Variants in TDRD9 observed in about 807,000 individuals in gnomAD.
TDRD9 encodes the protein tudor domain containing 9, also known as ATP-dependent RNA helicase TDRD9.
A neutral mutation model predicts 172.6 loss-of-function variants in TDRD9; 124 were observed. The observed-to-expected ratio is 0.72, with a 90% CI of 0.62 to 0.83. The LOEUF (loss-of-function observed/expected upper bound fraction) is 0.83, where lower values mean the gene tolerates loss of function less well. Among genes scored for constraint, TDRD9 ranks in the 40% least tolerant of loss-of-function variants. TDRD9 has a pLI of 0.00. For synonymous variants in TDRD9, 619 were observed against 617.1 expected (o/e 1.00, Z -0.05); for missense variants, 1,479 against 1,714.1 (o/e 0.86, Z 2.42).
chr14:103,984,690 C>T lies in TDRD9; in HGVS notation c.1012-1527C>T, dbSNP rs1017559358. 1.1e-4 allele frequency among the ~76,000 whole-genome samples: 17 copies of T among 152,170 alleles called. 2 individuals are homozygous for T. The highest frequency in any genetic ancestry group is 7.9e-4 in the Admixed American group (12 of 15,274). On this transcript the variant is annotated intron_variant, in intron 7 of 35. Transcript: ENST00000409874. ...AGCAGAAGGAAATGTGGGGTTCAGG[C>T]CTCCACACAGACTCCAACTGGGGCA...
At chr14:103,975,592 C>G (rs762594826) in intron 7 of TDRD9, 39 bp downstream of exon 7, 10 of 1,543,858 alleles carry the variant, frequency 6.5e-6, no homozygotes, top group Non-Finnish European at 8.8e-7. Flanking sequence ...AGTGAGCGTA[C>G]TCTTGTATTG....
intron 1 of TDRD9, chr14:103,928,925 T>G (rs1278907062): frequency 4.4e-4 from 16 of 36,322 alleles, no homozygotes; most frequent in East Asian, 1.9e-3. Context: ...GAGCTAGAGG[T>G]TTTTTTTTTT....
At position 103,928,687 on chromosome 14, in the gene TDRD9, G is replaced by A. The variant is rs968474305; in HGVS notation, c.178G>A (p.Ala60Thr). Residue 60 changes from alanine (A) to threonine (T), a missense_variant, in exon 1 of 36, where the codon GCC becomes ACC. This residue lies in a region of TDRD9 where 1,413 missense variants were observed against 1,649.1 expected (regional missense o/e 0.86). Coordinates refer to ENST00000409874, the MANE Select transcript of TDRD9 (RefSeq NM_153046.3). ...AGPAAQAPAL[A>T]QAPARPAAAF... ...TCCCGCGGCCCAGGCTCCGGCTCTG[G>A]CCCAAGCTCCGGCCCGGCCGGCCGC... 9.1e-6 allele frequency: 11 copies of A among 1,213,726 alleles called. No homozygotes were observed. Among genetic ancestry groups the A allele is most frequent in the African/African-American group, 6.4e-5 (4 of 62,522 alleles). 75.2% of individuals were successfully genotyped at this position (1,213,726 alleles called of 1,614,324 possible).
At chr14:103,982,187 C>T (rs1191650021) in intron 7 of TDRD9, among the ~76,000 whole-genome samples, 4 of 152,178 alleles carry the variant, frequency 2.6e-5, no homozygotes, top group Admixed American at 6.5e-5. Context: ...ATTAGTGTCT[C>T]CTTCTCTGCT....
chr14:103,938,583 C>T (rs924764764), intron 1 of TDRD9, among the ~76,000 whole-genome samples: 4 of 150,926 alleles, frequency 2.7e-5, no homozygotes, highest in East Asian at 1.9e-4. Context: ...GGACTACAGG[C>T]GCCAGCTACC....
chr14:103,973,273 C>G (rs2033108870), intron 6 of TDRD9, among the ~76,000 whole-genome samples: 1 of 152,212 alleles, frequency 6.6e-6, no homozygotes, highest in Non-Finnish European at 1.5e-5. Context: ...TTTTAAAAAA[C>G]TCTCAAAAAA....
At chr14:103,999,150 T>C (rs1038540352) in intron 13 of TDRD9, among the ~76,000 whole-genome samples, 2 of 152,210 alleles carry the variant, frequency 1.3e-5, no homozygotes, top group Non-Finnish European at 2.9e-5. Flanking sequence ...ATATTTCCTT[T>C]CTTGGAACGA....
chr14:103,991,297 A>G, intron 9 of TDRD9, 73 bp downstream of exon 9: 2 of 1,455,164 alleles, frequency 1.4e-6, no homozygotes, highest in South Asian at 2.3e-5. Flanking sequence ...CCTAACACAG[A>G]TTATGAAAGA....
At position 103,975,398 on chromosome 14, in the gene TDRD9, A is replaced by T. The variant is rs770570537; in HGVS notation, c.856A>T (p.Met286Leu). The T allele has an allele frequency of 6.2e-7, 1 of 1,613,212 alleles. No individual in the cohort carries two copies. Among genetic ancestry groups the T allele is most frequent in the Non-Finnish European group, 8.5e-7 (1 of 1,179,404 alleles). ...TNSRFVKVVL[M>L]SATISCKEFA... is the part of the protein sequence containing the mutation. ...TTCTCTTACTCTGTAGGTGGTCCTG[A>T]TGTCGGCTACCATCAGCTGTAAAGA... Residue 286 changes from methionine to leucine, a missense_variant, in exon 7 of 36, where the codon ATG becomes TTG. Around this residue, in one of 3 missense-constraint regions of TDRD9, gnomAD observed 1,413 missense variants for 1,649.1 expected, o/e 0.86. Coordinates refer to ENST00000409874, the MANE Select transcript of TDRD9 (RefSeq NM_153046.3).
At chr14:104,050,705 G>A (rs532343442) in intron 35 of TDRD9, among the ~76,000 whole-genome samples, 9 of 152,292 alleles carry the variant, frequency 5.9e-5, no homozygotes, top group African/African-American at 1.7e-4. Flanking sequence ...CCTGGCAGCC[G>A]GCCCCATTGT....
At position 104,051,239 on chromosome 14, in the gene TDRD9, C is replaced by T. The variant is rs79655825; in HGVS notation, c.4048-742C>T. Among the ~76,000 whole-genome samples, 335 of 152,276 alleles carry T rather than the reference C, an allele frequency of 2.2e-3. 1 individual carries two copies. Among genetic ancestry groups the T allele is most frequent in the African/African-American group, 7.7e-3 (320 of 41,546 alleles). On this transcript the variant is annotated intron_variant, in intron 35 of 35. Transcript: ENST00000409874. Reference sequence around the variant, plus strand: ...TTGGTTTTCTGTTCCAGCATCAATTCGCTTAAGGTAATGGCCTCCAGCTGC... The same window carrying T: ...TTGGTTTTCTGTTCCAGCATCAATTTGCTTAAGGTAATGGCCTCCAGCTGC...
Position 103,966,850 on chromosome 14 carries a change from T to G in TDRD9, c.765+19T>G, listed in dbSNP as rs983931667. ...TGATGAAGTAAGTGATGTCATCTAC[T>G]TGTAAAGGTCATATTTATCTCTCTT... On this transcript the variant is annotated intron_variant, in intron 5 of 35. Coordinates refer to ENST00000409874, the MANE Select transcript of TDRD9 (RefSeq NM_153046.3). 2 of 1,545,828 alleles carry G rather than the reference T, an allele frequency of 1.3e-6. No homozygotes were observed. Among genetic ancestry groups the G allele is most frequent in the Non-Finnish European group, 1.7e-6 (2 of 1,144,274 alleles).
Position 104,040,271 on chromosome 14 carries a change from A to G in TDRD9, c.3792A>G (p.Ile1264Met), listed in dbSNP as rs1454747730. Residue 1264 changes from isoleucine (I) to methionine (M), a missense_variant, in exon 33 of 36, where the codon ATA becomes ATG. Ile to Met is a conservative substitution (Grantham distance 10). This residue lies in a region of TDRD9 where 1,413 missense variants were observed against 1,649.1 expected (regional missense o/e 0.86). Coordinates refer to ENST00000409874, the MANE Select transcript of TDRD9 (RefSeq NM_153046.3). ...GGAATCCAGCTACAGGGGCTTCCAT[A>G]CTGCCCGAGCACGACATGGAGCTTG... ...LGWNPATGAS[I>M]LPEHDMELAF... The G allele has an allele frequency of 1.3e-6, 2 of 1,551,626 alleles. No homozygotes were observed. The highest frequency in any genetic ancestry group is 3.9e-5 in the Admixed American group (2 of 50,976).
intron 21 of TDRD9, among the ~76,000 whole-genome samples, chr14:104,015,382 G>A (rs2034757647): frequency 6.6e-6 from 1 of 152,186 alleles, no homozygotes; most frequent in Non-Finnish European, 1.5e-5. Flanking sequence ...TCAGGTTTGA[G>A]GTAGATGCCT....
intron 21 of TDRD9, among the ~76,000 whole-genome samples, chr14:104,015,256 A>G (rs2034752847): frequency 6.6e-6 from 1 of 152,202 alleles, no homozygotes; most frequent in Non-Finnish European, 1.5e-5. Flanking sequence ...TTTGGAGGCC[A>G]TGGATTCAAA....
intron 1 of TDRD9, among the ~76,000 whole-genome samples, chr14:103,932,885 A>C (rs2030495371): frequency 6.6e-6 from 1 of 152,054 alleles, no homozygotes. Flanking sequence ...CAGCTTAATG[A>C]GTAGTGACCA....
At chr14:103,968,286 G>A (rs1052917192) in intron 5 of TDRD9, among the ~76,000 whole-genome samples, 7 of 152,348 alleles carry the variant, frequency 4.6e-5, no homozygotes, top group Non-Finnish European at 1.0e-4. Context: ...GTCTGGTGCG[G>A]TGTCAGCACC....
chr14:103,960,111 T>G (rs896883979), intron 2 of TDRD9, among the ~76,000 whole-genome samples: 3 of 152,242 alleles, frequency 2.0e-5, no homozygotes, highest in African/African-American at 7.2e-5. Context: ...TAGTCCATAT[T>G]TGGAGAAAGT....
intron 19 of TDRD9, among the ~76,000 whole-genome samples, chr14:104,007,860 C>G (rs1351238471): frequency 6.6e-6 from 1 of 152,060 alleles, no homozygotes; most frequent in Non-Finnish European, 1.5e-5. Flanking sequence ...TCACTGCAAG[C>G]TCTGTCTCCT....
Sources: gnomAD v4.1 joint callset for allele counts (sites outside exome capture counted in the v4.1 genomes callset) on GRCh38, gnomAD v4.1.1 for gene constraint, gnomAD v4.1.1 regional missense constraint, MANE v1.5 for transcripts, NCBI Gene and HGNC (gene_info 2026-07-23, HGNC 2026-07-21) for gene names.